AOPEP: variants seen among roughly 807,000 people sequenced by gnomAD.
The protein encoded by AOPEP is aminopeptidase O.
Under a neutral mutation model 98.1 loss-of-function variants are expected in AOPEP, and 77 were observed. The observed-to-expected ratio is 0.78, with a 90% CI of 0.65 to 0.95. The LOEUF is 0.95. Among genes scored for constraint, AOPEP ranks in the 40% least tolerant of loss-of-function variants. The pLI, the probability that AOPEP is intolerant of heterozygous loss-of-function variation, is 0.00. For synonymous variants in AOPEP, 346 were observed against 365.3 expected (o/e 0.95, Z 0.60); for missense variants, 1,024 against 1,024.7 (o/e 1.00, Z 0.01).
At chr9:95,064,170 A>G (rs541887300) in intron 14 of AOPEP, among the ~76,000 whole-genome samples, 2 of 152,378 alleles carry the variant, frequency 1.3e-5, no homozygotes, top group South Asian at 4.1e-4. Context: ...CCAGGATAGA[A>G]AGGAAACTCC....
At chr9:95,110,428 A>G in the AOPEP span, 1 of 1,026,746 alleles carries the variant, frequency 9.7e-7, no homozygotes, top group Non-Finnish European at 1.2e-6. Flanking sequence ...GATTTTCCTT[A>G]GCTTAACGTG....
intron 1 of AOPEP, among the ~76,000 whole-genome samples, chr9:94,743,244 G>GGAA (rs1490259253): frequency 3.7e-4 from 35 of 95,744 alleles, no homozygotes; most frequent in South Asian, 2.8e-3. Flanking sequence ...AAGAAGAAGA[G>GGAA]GAAGAAGAGG....
chr9:94,940,911 A>T (rs1445997732), intron 7 of AOPEP, among the ~76,000 whole-genome samples: 2 of 152,124 alleles, frequency 1.3e-5, no homozygotes, highest in Non-Finnish European at 2.9e-5. Flanking sequence ...CAACCAGAAC[A>T]TGGAAACACC....
chr9:95,085,023 GGC>G (rs1226376557), intron 16 of AOPEP, among the ~76,000 whole-genome samples: 5 of 152,226 alleles, frequency 3.3e-5, no homozygotes, highest in African/African-American at 1.2e-4. Context: ...AAGCTGCACT[GGC>G]ATTTTTATGG....
At chr9:94,953,996 G>A (rs997281860) in intron 7 of AOPEP, among the ~76,000 whole-genome samples, 9 of 151,984 alleles carry the variant, frequency 5.9e-5, no homozygotes, top group East Asian at 1.9e-4. Flanking sequence ...ATAAGGAGTC[G>A]CTGGTTTCAG....
chr9:94,978,008 AG>A (rs2059955999), intron 10 of AOPEP, among the ~76,000 whole-genome samples: 1 of 152,140 alleles, frequency 6.6e-6, no homozygotes, highest in South Asian at 2.1e-4. Context: ...AGCGACCAAT[AG>A]GGGGAAAGAA....
At chr9:94,999,322 G>A (rs1029763056) in intron 11 of AOPEP, among the ~76,000 whole-genome samples, 1 of 152,158 alleles carries the variant, frequency 6.6e-6, no homozygotes, top group Non-Finnish European at 1.5e-5. Flanking sequence ...AATTAAATTA[G>A]CACATAATAT....
chr9:94,908,130 C>G (rs1185101885), intron 5 of AOPEP, among the ~76,000 whole-genome samples: 1 of 152,182 alleles, frequency 6.6e-6, no homozygotes, highest in South Asian at 2.1e-4. Flanking sequence ...CCTAATGTTT[C>G]CCTCTGGTTT....
rs565101410 is a variant in AOPEP, at chr9:94,963,718, T to C, written c.1873-4040T>C. Among the ~76,000 whole-genome samples, 10 of 152,256 alleles carry C rather than the reference T, an allele frequency of 6.6e-5. No homozygotes were observed. In the South Asian group the frequency reaches 2.1e-3, roughly 32 times the overall value. On this transcript the variant is annotated intron_variant, in intron 9 of 16. Coordinates refer to ENST00000375315, the MANE Select transcript of AOPEP (RefSeq NM_001193329.3). ...CTAACTTTGTCAAATTTTTCTAGAA[T>C]CAGCTATGAAAAAAGTCTTCCTTGT...
chr9:95,034,521 G>A (rs924538571), intron 13 of AOPEP, among the ~76,000 whole-genome samples: 5 of 152,202 alleles, frequency 3.3e-5, no homozygotes, highest in Non-Finnish European at 7.3e-5. Flanking sequence ...AATGACATGA[G>A]GGCTGAGGTT....
At chr9:94,988,362 G>A (rs940145083) in intron 11 of AOPEP, among the ~76,000 whole-genome samples, 11 of 152,126 alleles carry the variant, frequency 7.2e-5, no homozygotes, top group Non-Finnish European at 1.3e-4. Context: ...CGGATTAGAC[G>A]TACATTTTTT....
rs1194341628 is a variant in AOPEP, at chr9:94,882,996, G to GT, written c.1365-40989dup. Reference sequence around the variant, plus strand: ...ATTATCAAAAAGTTACTTATCTGAAGTCTGGGGCTTCTAAATTCAATCTGA... The same window carrying GT: ...ATTATCAAAAAGTTACTTATCTGAAGTTCTGGGGCTTCTAAATTCAATCTGA... On this transcript the variant is annotated intron_variant, in intron 5 of 16. Coordinates refer to ENST00000375315, the MANE Select transcript of AOPEP (RefSeq NM_001193329.3). 5.9e-5 allele frequency among the ~76,000 whole-genome samples: 9 copies of GT among 152,180 alleles called. No individual in the cohort carries two copies. The East Asian group carries it at 1.7e-3, about 29-fold the overall frequency.
At chr9:94,833,358 C>A (rs1223527740) in intron 5 of AOPEP, among the ~76,000 whole-genome samples, 1 of 150,996 alleles carries the variant, frequency 6.6e-6, no homozygotes, top group African/African-American at 2.4e-5. Flanking sequence ...CTGCCTCAGC[C>A]TCCCAAGTAG....
intron 13 of AOPEP, among the ~76,000 whole-genome samples, chr9:95,048,442 G>T (rs1438586786): frequency 6.6e-6 from 1 of 151,980 alleles, no homozygotes; most frequent in Non-Finnish European, 1.5e-5. Flanking sequence ...GGGGCGGGGC[G>T]GGGTGAGGCG....
intron 5 of AOPEP, among the ~76,000 whole-genome samples, chr9:94,801,720 A>G (rs943266986): frequency 1.1e-4 from 16 of 152,222 alleles, no homozygotes; most frequent in African/African-American, 3.9e-4. Flanking sequence ...GAAAAGATAG[A>G]GAATGTACTT....
chr9:94,842,649 T>A (rs2134874549), intron 5 of AOPEP, among the ~76,000 whole-genome samples: 1 of 152,324 alleles, frequency 6.6e-6, no homozygotes, highest in Admixed American at 6.5e-5. Context: ...TCATTTCTGA[T>A]GTTTGAGGTT....
At chr9:94,763,749 CA>C (rs1045130423) in intron 2 of AOPEP, among the ~76,000 whole-genome samples, 1 of 152,182 alleles carries the variant, frequency 6.6e-6, no homozygotes, top group Non-Finnish European at 1.5e-5. Context: ...GCCAGAGGGA[CA>C]AGGGGCCGTC....
chr9:94,922,764 G>A (rs2136803047), intron 5 of AOPEP, among the ~76,000 whole-genome samples: 1 of 152,280 alleles, frequency 6.6e-6, no homozygotes, highest in Non-Finnish European at 1.5e-5. Flanking sequence ...CAGAGCACCT[G>A]GCAGATGCTT....
intron 5 of AOPEP, among the ~76,000 whole-genome samples, chr9:94,898,027 A>G (rs960908528): frequency 2.6e-5 from 4 of 151,896 alleles, no homozygotes; most frequent in African/African-American, 9.7e-5. Context: ...TTTAGTAAAG[A>G]TGGGGTTTCA....
Sources: gnomAD v4.1 joint callset for allele counts (sites outside exome capture counted in the v4.1 genomes callset) on GRCh38, gnomAD v4.1.1 for gene constraint, MANE v1.5 for transcripts, NCBI Gene and HGNC (gene_info 2026-07-23, HGNC 2026-07-21) for gene names.